DNAH6: variants seen among roughly 807,000 people sequenced by gnomAD.
The protein encoded by DNAH6 is axonemal beta dynein heavy chain 6.
DNAH6 carries 340 observed loss-of-function variants against 491.4 expected under a neutral mutation model. That is an observed-to-expected ratio of 0.69 (90% CI 0.63 to 0.76). The LOEUF (loss-of-function observed/expected upper bound fraction) is 0.76. Ranked by LOEUF, DNAH6 falls within the 30% of genes least tolerant of loss-of-function variation. The probability of loss-of-function intolerance (pLI) is 0.00; values close to 1 mark genes in which losing one functional copy is unlikely to be tolerated. For synonymous variants in DNAH6, 1,603 were observed against 1,686.1 expected (o/e 0.95, Z 1.21); for missense variants, 4,443 against 4,972.2 (o/e 0.89, Z 3.20).
At chr2:84,792,747 G>T (rs531159799) in intron 68 of DNAH6, among the ~76,000 whole-genome samples, 66 of 152,290 alleles carry the variant, frequency 4.3e-4, no homozygotes, top group African/African-American at 1.6e-3. Context: ...ACAAACATTG[G>T]TTAGCAATTA....
chr2:84,565,715 C>G (rs1681128438), intron 11 of DNAH6, among the ~76,000 whole-genome samples: 1 of 151,814 alleles, frequency 6.6e-6, no homozygotes, highest in Admixed American at 6.6e-5. Flanking sequence ...GTGTGACTGT[C>G]TATGTCTTTT....
chr2:84,668,270 AT>A (rs1307502903), intron 37 of DNAH6, among the ~76,000 whole-genome samples: 1 of 152,252 alleles, frequency 6.6e-6, no homozygotes, highest in African/African-American at 2.4e-5. Context: ...CTGGATAACA[AT>A]AAAAAAAGAA....
chr2:84,540,386 C>T (rs1232431200), intron 4 of DNAH6, among the ~76,000 whole-genome samples: 2 of 152,088 alleles, frequency 1.3e-5, no homozygotes, highest in Non-Finnish European at 2.9e-5. Context: ...GCACAACAGT[C>T]ACATGAGGCA....
At chr2:84,528,637 A>C (rs886247845) in intron 3 of DNAH6, among the ~76,000 whole-genome samples, 4 of 151,894 alleles carry the variant, frequency 2.6e-5, no homozygotes, top group African/African-American at 9.7e-5. Flanking sequence ...GATGTAATAA[A>C]CATTGAGTTA....
Position 84,782,807 on chromosome 2 carries a change from AG to A in DNAH6, c.10864+1155del, listed in dbSNP as rs1676820021. Among the ~76,000 whole-genome samples the A allele has an allele frequency of 5.9e-5, 9 of 152,336 alleles. No individual in the cohort carries two copies. In the South Asian group the frequency reaches 1.9e-3, roughly 32 times the overall value. ...TCCCCAGTGATTAGGAATATAATTA[AG>A]AAAAAAATGCTAGAGAGGCAGCAAA... is the stretch of plus-strand genomic sequence containing the variant. On this transcript the variant is annotated intron_variant, in intron 65 of 76. Transcript: ENST00000389394.
chr2:84,697,743 G>C lies in DNAH6; in HGVS notation c.7677+16G>C, dbSNP rs780356135. 3.2e-6 allele frequency: 5 copies of C among 1,551,530 alleles called. No individual in the cohort carries two copies. Among genetic ancestry groups the C allele is most frequent in the Non-Finnish European group, 3.5e-6 (4 of 1,146,840 alleles). ...CAGAGACGAGGTAGGATGTGCCAGA[G>C]TAGTTATGTGGCTTTATCACAAAAA... On this transcript the variant is annotated intron_variant, in intron 47 of 76. Coordinates refer to ENST00000389394, the MANE Select transcript of DNAH6 (RefSeq NM_001370.2).
intron 74 of DNAH6, among the ~76,000 whole-genome samples, chr2:84,813,669 G>C (rs1407068851): frequency 6.6e-6 from 1 of 152,174 alleles, no homozygotes; most frequent in African/African-American, 2.4e-5. Flanking sequence ...TAGCGAGATT[G>C]GGCTCTGAAA....
chr2:84,513,992 T>A (rs1675434493), upstream of DNAH6, among the ~76,000 whole-genome samples: 1 of 152,194 alleles, frequency 6.6e-6, no homozygotes, highest in African/African-American at 2.4e-5. Flanking sequence ...CAGTCTCAGA[T>A]GTGTGTGGCA....
chr2:84,786,443 AAAG>A, intron 67 of DNAH6, among the ~76,000 whole-genome samples: 1 of 151,154 alleles, frequency 6.6e-6, no homozygotes, highest in South Asian at 2.1e-4. Flanking sequence ...AAAAAAAAAA[AAAG>A]AAAAGATGCC....
chr2:84,700,984 T>C, intron 48 of DNAH6, 113 bp from the exon 49 acceptor site: 1 of 1,230,516 alleles, frequency 8.1e-7, no homozygotes, highest in Non-Finnish European at 1.1e-6. Flanking sequence ...GTTAACTAGG[T>C]GAAGAGGGGA....
intron 11 of DNAH6, among the ~76,000 whole-genome samples, 159 bp from the exon 12 acceptor site, chr2:84,573,308 C>T (rs1054401036): frequency 3.3e-5 from 5 of 152,168 alleles, no homozygotes; most frequent in Non-Finnish European, 7.3e-5. Flanking sequence ...TACTCCTCGA[C>T]ATCAAGAATA....
rs1696835441 is a variant in DNAH6, at chr2:84,709,517, T to C, written c.9223T>C (p.Trp3075Arg). ...NGILVTQGRR[W>R]PLMIDPQDQA... ...CATTTTGGTTACTCAAGGCAGAAGA[T>C]GGCCTTTGATGATTGATCCCCAAGA... The change falls in exon 55 of 77, where the codon TGG (tryptophan) becomes CGG (arginine). Residue 3075 changes from tryptophan to arginine, a missense_variant. Coordinates refer to ENST00000389394, the MANE Select transcript of DNAH6 (RefSeq NM_001370.2). 1 of 1,551,636 alleles carries C rather than the reference T, an allele frequency of 6.4e-7. No individual in the cohort carries two copies. The highest frequency in any genetic ancestry group is 2.4e-5 in the East Asian group (1 of 40,936).
intron 45 of DNAH6, among the ~76,000 whole-genome samples, chr2:84,692,661 A>C (rs1287124494): frequency 1.3e-5 from 2 of 152,222 alleles, no homozygotes; most frequent in Non-Finnish European, 2.9e-5. Context: ...TCATCTTAAC[A>C]ACAATGTATA....
intron 10 of DNAH6, among the ~76,000 whole-genome samples, chr2:84,556,330 C>T (rs1680019288): frequency 6.6e-6 from 1 of 151,176 alleles, no homozygotes; most frequent in Non-Finnish European, 1.5e-5. Context: ...TGCACAAGGC[C>T]TTTCATGAAG....
the DNAH6 span, among the ~76,000 whole-genome samples, chr2:84,499,085 A>G: frequency 1.3e-5 from 2 of 152,192 alleles, no homozygotes; most frequent in Non-Finnish European, 2.9e-5. Context: ...TGTACAATTA[A>G]GTTATTACTG....
chr2:84,746,799 C>T (rs1038605590), intron 63 of DNAH6, among the ~76,000 whole-genome samples: 2 of 152,070 alleles, frequency 1.3e-5, no homozygotes, highest in African/African-American at 4.8e-5. Flanking sequence ...ACAAGCATGA[C>T]ACCAGCATTT....
chr2:84,771,968 C>T (rs966390189), intron 64 of DNAH6, among the ~76,000 whole-genome samples: 8 of 152,232 alleles, frequency 5.3e-5, no homozygotes, highest in African/African-American at 1.9e-4. Flanking sequence ...TTTCTCTTTT[C>T]ATTTTGTATA....
intron 24 of DNAH6, among the ~76,000 whole-genome samples, chr2:84,620,688 C>G (rs1687309274): frequency 6.6e-6 from 1 of 152,104 alleles, no homozygotes; most frequent in African/African-American, 2.4e-5. Context: ...ATTTGCTCAT[C>G]ACTGGTGCAG....
chr2:84,544,298 A>G lies in DNAH6; in HGVS notation c.728A>G (p.His243Arg). Residue 243 changes from histidine to arginine, a missense_variant, in exon 5 of 77, where the codon CAC (histidine) becomes CGC (arginine). By Grantham distance (29) the His-to-Arg change is conservative. Coordinates refer to ENST00000389394, the MANE Select transcript of DNAH6 (RefSeq NM_001370.2). ...YYTISQRAVT[H>R]IYNEDIEFIE... ...ACTATTAGCCAAAGGGCAGTAACAC[A>G]CATTTATAATGAAGACATTGAATTT... 6.5e-7 allele frequency: 1 copy of G among 1,530,654 alleles called. No homozygotes were observed. Among genetic ancestry groups the G allele is most frequent in the Admixed American group, 2.0e-5 (1 of 50,966 alleles). 94.8% of individuals were successfully genotyped at this position (1,530,654 alleles called of 1,614,324 possible).
Sources: allele counts gnomAD v4.1 joint callset (sites outside exome capture counted in the v4.1 genomes callset), GRCh38; gene constraint gnomAD v4.1.1; transcripts MANE v1.5; gene names NCBI Gene and HGNC (gene_info 2026-07-23, HGNC 2026-07-21).